Variants in SLC44A5 observed in about 807,000 individuals in gnomAD.
SLC44A5 encodes the protein choline transporter-like protein 5.
Under a neutral mutation model 101.8 loss-of-function variants are expected in SLC44A5, and 57 were observed. The ratio of observed to expected loss-of-function variants is 0.56; its 90% CI spans 0.45 to 0.70. The LOEUF (loss-of-function observed/expected upper bound fraction) is 0.70, where lower values mean the gene tolerates loss of function less well. Ranked by LOEUF, SLC44A5 falls within the 30% of genes least tolerant of loss-of-function variation. SLC44A5 has a pLI of 0.00. For missense variants in SLC44A5, 737 were observed against 853.1 expected (o/e 0.86, Z 1.70); for synonymous variants, 281 against 290.9 (o/e 0.97, Z 0.35).
At chr1:75,547,269 C>T (rs541163466) in intron 1 of SLC44A5, among the ~76,000 whole-genome samples, 71 of 152,296 alleles carry the variant, frequency 4.7e-4, no homozygotes, top group African/African-American at 1.6e-3. Flanking sequence ...ACACCATAGC[C>T]ATCTGCATTG....
the SLC44A5 span, among the ~76,000 whole-genome samples, chr1:75,646,347 C>T: frequency 1.3e-5 from 2 of 151,900 alleles, no homozygotes; most frequent in Admixed American, 6.6e-5. Context: ...AGGTCCTTCA[C>T]ATCCTTTGTA....
intron 4 of SLC44A5, 138 bp downstream of exon 4, chr1:75,339,444 A>C: frequency 1.6e-6 from 1 of 640,130 alleles, no homozygotes; most frequent in Non-Finnish European, 2.7e-6. Context: ...AAATAAGGTG[A>C]CATTTAGGCA....
At chr1:75,555,634 A>G (rs973984439) in intron 1 of SLC44A5, among the ~76,000 whole-genome samples, 2 of 35,624 alleles carry the variant, frequency 5.6e-5, no homozygotes, top group Admixed American at 3.0e-4. Flanking sequence ...ATAAGACACA[A>G]TTCCAATTTG....
intron 2 of SLC44A5, among the ~76,000 whole-genome samples, chr1:75,399,881 CAT>C (rs975553646): frequency 6.6e-6 from 1 of 152,152 alleles, no homozygotes; most frequent in Admixed American, 6.6e-5. Context: ...TACCTGCACT[CAT>C]ATGTTTATTG....
chr1:75,517,700 A>T (rs1669913363), intron 2 of SLC44A5, among the ~76,000 whole-genome samples: 1 of 152,234 alleles, frequency 6.6e-6, no homozygotes, highest in Non-Finnish European at 1.5e-5. Flanking sequence ...AAAAGGCTTG[A>T]AAAAGAAAAG....
chr1:75,511,486 A>C (rs985257981), intron 2 of SLC44A5, among the ~76,000 whole-genome samples: 1 of 152,238 alleles, frequency 6.6e-6, no homozygotes, highest in Non-Finnish European at 1.5e-5. Context: ...TTATCCAAAA[A>C]AACTACAAAT....
chr1:75,475,669 T>C (rs911929562), intron 2 of SLC44A5, among the ~76,000 whole-genome samples: 32 of 152,198 alleles, frequency 2.1e-4, no homozygotes, highest in Non-Finnish European at 2.9e-5. Context: ...TTTCAGAGAA[T>C]ACCCATAATG....
chr1:75,480,684 T>G (rs1403573984), intron 2 of SLC44A5, among the ~76,000 whole-genome samples: 1 of 151,868 alleles, frequency 6.6e-6, no homozygotes, highest in Non-Finnish European at 1.5e-5. Context: ...TACCTAGGAA[T>G]CCACCTTACA....
At position 75,596,868 on chromosome 1, in the gene SLC44A5, C is replaced by T. The variant is rs140092809; in HGVS notation, c.-70+14172G>A. Among the ~76,000 whole-genome samples the T allele has an allele frequency of 4.8e-4, 73 of 152,246 alleles. No homozygotes were observed. In the Middle Eastern group the frequency reaches 0.01, roughly 21 times the overall value. On this transcript the variant is annotated intron_variant, in intron 1 of 23. Coordinates refer to ENST00000370859, the MANE Select transcript of SLC44A5 (RefSeq NM_001130058.2). Reference sequence around the variant, plus strand: ...ATACTGAATGGACAAAAGCTGGAAGCATTCTCTTTGAAAACCAGCACAGGA... The same window carrying T: ...ATACTGAATGGACAAAAGCTGGAAGTATTCTCTTTGAAAACCAGCACAGGA...
At chr1:75,578,025 A>G (rs1021005930) in intron 1 of SLC44A5, among the ~76,000 whole-genome samples, 1 of 152,124 alleles carries the variant, frequency 6.6e-6, no homozygotes, top group African/African-American at 2.4e-5. Flanking sequence ...TTAATCTAAC[A>G]TTAAAAACTC....
At chr1:75,665,588 AT>A in the SLC44A5 span, among the ~76,000 whole-genome samples, 2 of 152,164 alleles carry the variant, frequency 1.3e-5, no homozygotes, top group African/African-American at 4.8e-5. Context: ...TGCAACAAAA[AT>A]AAAAGTTGAA....
chr1:75,342,586 C>T (rs1657968723), intron 3 of SLC44A5, among the ~76,000 whole-genome samples: 1 of 152,116 alleles, frequency 6.6e-6, no homozygotes, highest in South Asian at 2.1e-4. Context: ...GTAAGTTACT[C>T]ACTGGTCATT....
intron 1 of SLC44A5, among the ~76,000 whole-genome samples, chr1:75,574,351 C>T (rs775142826): frequency 6.6e-6 from 1 of 152,156 alleles, no homozygotes; most frequent in Non-Finnish European, 1.5e-5. Context: ...GTGCACCTGA[C>T]TTAAGCAAGA....
At chr1:75,703,911 A>C in the SLC44A5 span, among the ~76,000 whole-genome samples, 1 of 152,090 alleles carries the variant, frequency 6.6e-6, no homozygotes, top group African/African-American at 2.4e-5. Flanking sequence ...CTCCAGGCCA[A>C]GCATGGTGGC....
the SLC44A5 span, among the ~76,000 whole-genome samples, chr1:75,679,444 T>C: frequency 1.3e-5 from 2 of 151,146 alleles, no homozygotes; most frequent in South Asian, 4.2e-4. Flanking sequence ...CAGAAGAGAG[T>C]GGGGGCCAAT....
intron 20 of SLC44A5, 78 bp downstream of exon 20, chr1:75,214,527 T>C: frequency 8.7e-7 from 1 of 1,148,940 alleles, no homozygotes; most frequent in South Asian, 1.5e-5. Flanking sequence ...ACCAACACTT[T>C]AAATAACAAC....
intron 2 of SLC44A5, among the ~76,000 whole-genome samples, chr1:75,452,464 C>T (rs893874697): frequency 2.6e-5 from 4 of 152,074 alleles, no homozygotes; most frequent in Non-Finnish European, 5.9e-5. Context: ...GTACAGAGCC[C>T]ACAGACCCTG....
At chr1:75,289,474 C>T (rs1031814138) in intron 5 of SLC44A5, among the ~76,000 whole-genome samples, 3 of 152,154 alleles carry the variant, frequency 2.0e-5, no homozygotes, top group African/African-American at 7.2e-5. Flanking sequence ...TCCATCAAGC[C>T]TAGAGGTGGT....
chr1:75,506,949 GC>G (rs561276250), intron 2 of SLC44A5, among the ~76,000 whole-genome samples: 200 of 110,796 alleles, frequency 1.8e-3, no homozygotes, highest in Middle Eastern at 0.011. Context: ...GTGTCTCACT[GC>G]CCAGGCTGGA....
Sources: gnomAD v4.1 joint callset for allele counts (sites outside exome capture counted in the v4.1 genomes callset) on GRCh38, gnomAD v4.1.1 for gene constraint, MANE v1.5 for transcripts, NCBI Gene and HGNC (gene_info 2026-07-23, HGNC 2026-07-21) for gene names.